SORL1: variants seen among roughly 807,000 people sequenced by gnomAD.
SORL1 encodes sortilin related receptor 1.
Under a neutral mutation model 273.7 loss-of-function variants are expected in SORL1, and 127 were observed. The ratio of observed to expected loss-of-function variants is 0.46; its 90% confidence interval spans 0.40 to 0.54. The LOEUF (loss-of-function observed/expected upper bound fraction) is 0.54, where lower values mean the gene tolerates loss of function less well. SORL1 is among the 20% of genes least tolerant of loss of function. The probability of loss-of-function intolerance (pLI) is 0.00; values close to 1 mark genes in which losing one functional copy is unlikely to be tolerated. For missense variants in SORL1, 2,494 were observed against 2,846.1 expected (o/e 0.88, Z 2.81); for synonymous variants, 1,031 against 1,067.4 (o/e 0.97, Z 0.66).
At position 121,597,914 on chromosome 11, in the gene SORL1, A is replaced by G. The variant is rs117720483; in HGVS notation, c.4519+2142A>G. On this transcript the variant is annotated intron_variant, in intron 32 of 47. Coordinates refer to ENST00000260197, the MANE Select transcript of SORL1 (RefSeq NM_003105.6). ...GGGACAGGCCAGGAGAGGCAGCCCC[A>G]TTGATGGTGCCTGGACAACGGTGGG... 2.6e-4 allele frequency among the ~76,000 whole-genome samples: 39 copies of G among 152,272 alleles called. 3 individuals are homozygous for G. In the East Asian group the frequency reaches 7.3e-3, roughly 29 times the overall value.
chr11:121,619,773 C>T lies in SORL1; in HGVS notation c.5745C>T (p.Tyr1915=). ...YLFLVRVVVP[Y]QGPSSDYVVV... ...TTCAGGTCCGTGTAGTGGTACCCTACCAGGGGCCATCCTCTGACTACGTTG... is the reference window on the plus strand; with the variant it reads ...TTCAGGTCCGTGTAGTGGTACCCTATCAGGGGCCATCCTCTGACTACGTTG... The change falls in exon 43 of 48, where the codon TAC becomes TAT. Residue 1915 remains tyrosine, a synonymous_variant. Transcript: ENST00000260197. 2 of 1,614,070 alleles carry T rather than the reference C, an allele frequency of 1.2e-6. No homozygotes were observed. The highest frequency in any genetic ancestry group is 8.5e-7 in the Non-Finnish European group (1 of 1,179,958).
intron 22 of SORL1, among the ~76,000 whole-genome samples, chr11:121,569,718 G>A (rs1345507006): frequency 1.5e-4 from 23 of 152,086 alleles, no homozygotes; most frequent in Admixed American, 1.4e-3. Context: ...TTTTAATTTC[G>A]CCCCGTCCTG....
chr11:121,509,038 C>G (rs1199913918), intron 6 of SORL1, among the ~76,000 whole-genome samples: 2 of 152,192 alleles, frequency 1.3e-5, no homozygotes, highest in African/African-American at 4.8e-5. Flanking sequence ...CCAACCTCTC[C>G]TTAGCTATCT....
chr11:121,613,179 C>T (rs1255846400), intron 40 of SORL1, among the ~76,000 whole-genome samples: 1 of 152,192 alleles, frequency 6.6e-6, no homozygotes, highest in African/African-American at 2.4e-5. Context: ...CCTGTCTGTC[C>T]TTTCTAGTCT....
At chr11:121,552,312 C>T (rs1192313547) in intron 16 of SORL1, among the ~76,000 whole-genome samples, 1 of 152,230 alleles carries the variant, frequency 6.6e-6, no homozygotes, top group African/African-American at 2.4e-5. Flanking sequence ...ACACACATTC[C>T]TTGGCCAGGA....
chr11:121,590,699 G>T (rs749383043), intron 30 of SORL1: 1 of 652,054 alleles, frequency 1.5e-6, no homozygotes, highest in African/African-American at 1.8e-5. Context: ...TAGCCACCCT[G>T]TGCCTCCTCA....
At chr11:121,579,930 G>T (rs1295334064) in intron 25 of SORL1, among the ~76,000 whole-genome samples, 1 of 152,134 alleles carries the variant, frequency 6.6e-6, no homozygotes, top group Admixed American at 6.5e-5. Context: ...GAATTCAAAT[G>T]GGTCTGGGTT....
At chr11:121,545,502 G>T (rs1433536661) in intron 14 of SORL1, 73 bp downstream of exon 14, 2 of 1,405,562 alleles carry the variant, frequency 1.4e-6, no homozygotes, top group South Asian at 2.4e-5. Flanking sequence ...AAGAGATTAG[G>T]CATGGTCCCT....
Position 121,570,121 on chromosome 11 carries a change from G to A in SORL1, c.3224-36G>A, listed in dbSNP as rs1050022247. Reference sequence around the variant, plus strand: ...TGGTCCAGCAGTAAGAATAATATTGGTTTCATTTCCTCCCCTGCCGCACTC... The same window carrying A: ...TGGTCCAGCAGTAAGAATAATATTGATTTCATTTCCTCCCCTGCCGCACTC... On this transcript the variant is annotated intron_variant, in intron 22 of 47. Transcript: ENST00000260197. The A allele has an allele frequency of 5.7e-6, 8 of 1,408,708 alleles. No homozygotes were observed. The African/African-American group carries it at 1.1e-4, about 20-fold the overall frequency. The allele number at this position is 1,408,708 out of a possible 1,614,324, so 87.3% of individuals were successfully genotyped here.
intron 1 of SORL1, among the ~76,000 whole-genome samples, chr11:121,453,946 G>T (rs546828623): frequency 7.9e-5 from 12 of 152,198 alleles, no homozygotes; most frequent in Non-Finnish European, 1.6e-4. Flanking sequence ...AAGGATGGTG[G>T]TGACTGGGTG....
In SORL1 at chr11:121,588,014, T is replaced by G. The variant is rs1233707192; in HGVS notation, c.3815-6T>G. ...TGGCCTCTTCCCTTCTCTGGATCCCTTACAGAGCCCCTCTGTACGCACTTC... is the reference window on the plus strand; with the variant it reads ...TGGCCTCTTCCCTTCTCTGGATCCCGTACAGAGCCCCTCTGTACGCACTTC... On this transcript the variant is annotated splice_polypyrimidine_tract_variant and splice_region_variant and intron_variant, in intron 27 of 47. Transcript: ENST00000260197. The G allele has an allele frequency of 6.2e-7, 1 of 1,612,112 alleles. No individual in the cohort carries two copies. Among genetic ancestry groups the G allele is most frequent in the Admixed American group, 1.7e-5 (1 of 59,954 alleles).
At chr11:121,615,937 A>G (rs1340056391) in intron 41 of SORL1, among the ~76,000 whole-genome samples, 1 of 152,178 alleles carries the variant, frequency 6.6e-6, no homozygotes, top group Admixed American at 6.5e-5. Context: ...GTAACTTGCC[A>G]GAGTTAAAGC....
In SORL1 at chr11:121,557,385, G is replaced by T; in HGVS notation, c.2643G>T (p.Leu881=). Residue 881 remains leucine (L), a synonymous_variant, in exon 19 of 48, where the codon CTG becomes CTT. Transcript: ENST00000260197. ...NSSVLDRPRA[L]VLVPQEGVMF... is the part of the protein sequence containing the mutation. ...CTGTGCTTGATCGTCCCAGGGCTCT[G>T]GTCCTCGTGCCCCAAGAGGGGTAAG... 6.2e-7 allele frequency: 1 copy of T among 1,613,998 alleles called. No homozygotes were observed. The highest frequency in any genetic ancestry group is 8.5e-7 in the Non-Finnish European group (1 of 1,179,878).
chr11:121,589,952 T>G (rs192508531), intron 29 of SORL1, 88 bp from the exon 30 acceptor site: 58 of 1,515,674 alleles, frequency 3.8e-5, no homozygotes, highest in Non-Finnish European at 4.6e-5. Flanking sequence ...GCCCTGGAAC[T>G]TGGGTCTGGA....
chr11:121,577,552 AT>A, intron 25 of SORL1, 152 bp downstream of exon 25: 2 of 818,126 alleles, frequency 2.4e-6, no homozygotes, highest in Non-Finnish European at 3.6e-6. Flanking sequence ...CTGGTCTTTG[AT>A]GAGATAAGGA....
In SORL1 at chr11:121,629,912, A is replaced by T. The variant is rs75085036; in HGVS notation, c.*349A>T. On this transcript the variant is annotated 3_prime_UTR_variant, in exon 48 of 48. Coordinates refer to ENST00000260197, the MANE Select transcript of SORL1 (RefSeq NM_003105.6). Reference sequence around the variant, plus strand: ...TCTAAGACACAGAAATGTATTTAATAAAAACCTCGAGAGAGTGATGGGTGG... The same window carrying T: ...TCTAAGACACAGAAATGTATTTAATTAAAACCTCGAGAGAGTGATGGGTGG... 2,096 of 247,046 alleles carry T rather than the reference A, an allele frequency of 8.5e-3. 43 individuals are homozygous for T. The highest frequency in any genetic ancestry group is 0.043 in the African/African-American group (1,898 of 44,252). The allele number at this position is 247,046 out of a possible 1,614,324, so 15.3% of individuals were successfully genotyped here. A position where few individuals can be genotyped will look rare whatever the true frequency, so the allele number is the denominator to read the frequency against.
chr11:121,522,961 C>T lies in SORL1; in HGVS notation c.1568C>T (p.Ser523Phe). The change falls in exon 11 of 48, where the codon TCT becomes TTT. Residue 523 changes from serine (S) to phenylalanine (F), a missense_variant. Ser to Phe is a radical substitution (Grantham distance 155). This residue lies in a region of SORL1 where 710 missense variants were observed against 882.5 expected (regional missense o/e 0.80). Coordinates refer to ENST00000260197, the MANE Select transcript of SORL1 (RefSeq NM_003105.6). ...GCTAGCAAGACAAACGTGTACATCTCTAGCAGTGCTGGAGCCAGGTGGCGA... is the reference window on the plus strand; with the variant it reads ...GCTAGCAAGACAAACGTGTACATCTTTAGCAGTGCTGGAGCCAGGTGGCGA... ...NLASKTNVYISSSAGARWREA... is the reference protein window; with the variant it reads ...NLASKTNVYIFSSAGARWREA... 6.2e-7 allele frequency: 1 copy of T among 1,613,870 alleles called. No individual in the cohort carries two copies. The highest frequency in any genetic ancestry group is 8.5e-7 in the Non-Finnish European group (1 of 1,179,728).
At chr11:121,553,428 C>G (rs1161886635) in intron 16 of SORL1, among the ~76,000 whole-genome samples, 1 of 152,134 alleles carries the variant, frequency 6.6e-6, no homozygotes, top group Non-Finnish European at 1.5e-5. Flanking sequence ...TTTTGGAGAT[C>G]TAAGAGGTTC....
intron 35 of SORL1, 100 bp downstream of exon 35, chr11:121,605,671 G>T: frequency 1.1e-6 from 1 of 934,114 alleles, no homozygotes. Context: ...ACATATGTGT[G>T]CCTCACATGT....
Sources: allele counts gnomAD v4.1 joint callset (sites outside exome capture counted in the v4.1 genomes callset), GRCh38; gene constraint gnomAD v4.1.1; regional missense constraint gnomAD v4.1.1; transcripts MANE v1.5; gene names NCBI Gene and HGNC (gene_info 2026-07-23, HGNC 2026-07-21).